The following GRAMD4 variants were observed in gnomAD, a reference collection of about 807,000 sequenced individuals.
GRAMD4 encodes GRAM domain-containing protein 4.
In GRAMD4, 25 loss-of-function variants were observed where a neutral mutation model predicts 83.9. That is an observed-to-expected ratio of 0.30 (90% CI 0.22 to 0.42). The LOEUF (loss-of-function observed/expected upper bound fraction) is 0.42, where lower values mean the gene tolerates loss of function less well. GRAMD4 is among the 10% of genes least tolerant of loss of function. GRAMD4 has a pLI of 1.00. For missense variants in GRAMD4, 593 were observed against 788.7 expected, an observed-to-expected ratio of 0.75 and a Z score of 2.97; for synonymous variants, 336 against 320.9, an observed-to-expected ratio of 1.05 and a Z score of -0.50.
upstream of GRAMD4, among the ~76,000 whole-genome samples, chr22:46,619,173 A>C (rs935176774): frequency 1.3e-5 from 2 of 152,196 alleles, no homozygotes; most frequent in Non-Finnish European, 2.9e-5. Context: ...TGATGTTGGA[A>C]CAATAGTGGC....
At chr22:46,581,663 A>T (rs775391546) in intron 1 of GRAMD4, among the ~76,000 whole-genome samples, 1 of 152,220 alleles carries the variant, frequency 6.6e-6, no homozygotes, top group Non-Finnish European at 1.5e-5. Flanking sequence ...GACATGATTT[A>T]TTTTCGTACC....
intron 1 of GRAMD4, among the ~76,000 whole-genome samples, chr22:46,586,056 C>T (rs2081146758): frequency 6.6e-6 from 1 of 152,034 alleles, no homozygotes; most frequent in African/African-American, 2.4e-5. Context: ...TTCCCCAACC[C>T]TATGGAGTGT....
In GRAMD4 at chr22:46,658,049, G is replaced by A; in HGVS notation, c.284-138G>A. 6 of 1,016,484 alleles carry A rather than the reference G, an allele frequency of 5.9e-6. No homozygotes were observed. In the South Asian group the frequency reaches 7.8e-5, roughly 13 times the overall value. The allele number at this position is 1,016,484 out of a possible 1,614,324, so 63.0% of individuals were successfully genotyped here. On this transcript the variant is annotated intron_variant, in intron 3 of 18. Coordinates refer to ENST00000406902, the MANE Select transcript of GRAMD4 (RefSeq NM_015124.5). ...GCTGTGAGCGCCCCGCACCCTGGAG[G>A]AAGGTCAGGTGCTCAGGTCCGCTTA...
intron 1 of GRAMD4, among the ~76,000 whole-genome samples, chr22:46,587,392 C>T (rs1024195991): frequency 6.6e-6 from 1 of 152,106 alleles, no homozygotes. Context: ...TCCAAAAGCC[C>T]AGCCGTCCGG....
chr22:46,587,015 G>A (rs554017554), intron 1 of GRAMD4, among the ~76,000 whole-genome samples: 1 of 152,324 alleles, frequency 6.6e-6, no homozygotes, highest in African/African-American at 2.4e-5. Flanking sequence ...TAACTACCCT[G>A]TGATGCTGGA....
rs544348837 is a variant in GRAMD4, at chr22:46,620,471, G to C, written c.-144G>C. 3.0e-6 allele frequency: 3 copies of C among 985,060 alleles called. No individual in the cohort carries two copies. The allele number at this position is 985,060 out of a possible 1,614,324, so 61.0% of individuals were successfully genotyped here. A position where few individuals can be genotyped will look rare whatever the true frequency, so the allele number is the denominator to read the frequency against. On this transcript the variant is annotated 5_prime_UTR_variant, in exon 1 of 19. Coordinates refer to ENST00000406902, the MANE Select transcript of GRAMD4 (RefSeq NM_015124.5). This position sits in a 1 kb window ranked among gnomAD's most constrained non-coding sequence, Gnocchi z 4.7. ...GGTGTTGGGCGGCTTGGAGGCTATG[G>C]TTCCTGGGTCCTCGTAGCACATCCT...
chr22:46,602,303 G>T (rs948195136), intron 1 of GRAMD4, among the ~76,000 whole-genome samples: 33 of 152,196 alleles, frequency 2.2e-4, no homozygotes, highest in African/African-American at 6.5e-4. Context: ...GTGGGACAGA[G>T]CCTGTGTCCC....
chr22:46,597,178 G>C (rs556748845), intron 1 of GRAMD4, among the ~76,000 whole-genome samples: 1 of 152,202 alleles, frequency 6.6e-6, no homozygotes, highest in Admixed American at 6.5e-5. Flanking sequence ...CAGGTGCCAG[G>C]TGTAGGCCCT....
intron 3 of GRAMD4, among the ~76,000 whole-genome samples, chr22:46,643,185 A>ATCTG: frequency 8.0e-6 from 1 of 125,666 alleles, no homozygotes; most frequent in Non-Finnish European, 1.7e-5. Context: ...CCATCCATCC[A>ATCTG]TCCATCCATC....
chr22:46,589,999 T>C (rs1467837505), intron 1 of GRAMD4, among the ~76,000 whole-genome samples: 2 of 152,234 alleles, frequency 1.3e-5, no homozygotes, highest in African/African-American at 4.8e-5. Context: ...GGAGGCCGTG[T>C]CGCCTCCTGT....
chr22:46,585,470 G>A (rs932506784), intron 1 of GRAMD4, among the ~76,000 whole-genome samples: 1 of 152,188 alleles, frequency 6.6e-6, no homozygotes, highest in South Asian at 2.1e-4. Flanking sequence ...GATTATAGGC[G>A]TGAGCCACCG....
chr22:46,580,967 CAAA>C (rs558020415), intron 1 of GRAMD4, among the ~76,000 whole-genome samples: 4 of 86,940 alleles, frequency 4.6e-5, no homozygotes, highest in African/African-American at 4.1e-5. Flanking sequence ...AACTCCATCT[CAAA>C]AAAAAAAAAA....
intron 1 of GRAMD4, among the ~76,000 whole-genome samples, chr22:46,586,043 C>T (rs1297869496): frequency 8.6e-5 from 13 of 151,998 alleles, no homozygotes; most frequent in Non-Finnish European, 5.9e-5. Flanking sequence ...ATGACCCCCA[C>T]GTTTCCCCAA....
At position 46,677,827 on chromosome 22, in the gene GRAMD4, G is replaced by C. The variant is rs572894153; in HGVS notation, c.*576G>C. The C allele has an allele frequency of 1.0e-6, 1 of 985,628 alleles. No individual in the cohort carries two copies. Among genetic ancestry groups the C allele is most frequent in the Non-Finnish European group, 1.2e-6 (1 of 830,068 alleles). The allele number at this position is 985,628 out of a possible 1,614,324, so 61.1% of individuals were successfully genotyped here. On this transcript the variant is annotated 3_prime_UTR_variant, in exon 19 of 19. Transcript: ENST00000406902. ...GGCATTTGCCCTTGGTGCCGGGCTG[G>C]GGCCGGGCGCAGTGACCCTGCCTGC...
intron 2 of GRAMD4, among the ~76,000 whole-genome samples, chr22:46,628,485 A>T (rs1245743191): frequency 2.3e-5 from 1 of 43,946 alleles, no homozygotes; most frequent in African/African-American, 1.3e-4. Flanking sequence ...GGGTGGACTG[A>T]GTGCGTTGGT....
intron 8 of GRAMD4, among the ~76,000 whole-genome samples, chr22:46,664,417 C>T (rs1470779395): frequency 6.6e-6 from 1 of 152,222 alleles, no homozygotes; most frequent in Non-Finnish European, 1.5e-5. Flanking sequence ...CCTCTTGGCA[C>T]TCACCGTGCA....
At chr22:46,680,721 C>CCCAT (rs1569313663), downstream of GRAMD4, among the ~76,000 whole-genome samples, 3 of 110,310 alleles carry the variant, frequency 2.7e-5, no homozygotes, top group African/African-American at 8.1e-5. Context: ...CATCCACCCA[C>CCCAT]CCACCCATCC....
At chr22:46,651,853 G>GGA (rs981631416) in intron 3 of GRAMD4, among the ~76,000 whole-genome samples, 2 of 152,112 alleles carry the variant, frequency 1.3e-5, no homozygotes, top group Non-Finnish European at 2.9e-5. Context: ...GAGGTGGGGG[G>GGA]GAGAGAGACG....
upstream of GRAMD4, among the ~76,000 whole-genome samples, chr22:46,616,463 TGTAGG>T (rs200544479): frequency 3.4e-5 from 4 of 118,810 alleles, no homozygotes; most frequent in Admixed American, 1.7e-4. Context: ...TTCCCCCGTG[TGTAGG>T]TTCCCCTGTG....
Sources: allele counts gnomAD v4.1 joint callset (sites outside exome capture counted in the v4.1 genomes callset), GRCh38; gene constraint gnomAD v4.1.1; non-coding constraint Gnocchi (gnomAD v3.1); transcripts MANE v1.5; gene names NCBI Gene and HGNC (gene_info 2026-07-23, HGNC 2026-07-21).